Variants in SLC13A3 observed in about 807,000 individuals in gnomAD.
SLC13A3 encodes solute carrier family 13 member 3, also known as Na(+)/dicarboxylate cotransporter 3.
A neutral mutation model predicts 59.0 loss-of-function variants in SLC13A3; 40 were observed. That is an observed-to-expected ratio of 0.68 (90% CI 0.53 to 0.88). SLC13A3 has a LOEUF of 0.88. SLC13A3 is among the 40% of genes least tolerant of loss of function. SLC13A3 has a pLI of 0.00. For synonymous variants in SLC13A3, 317 were observed against 330.3 expected (o/e 0.96, Z 0.44); for missense variants, 699 against 783.2 (o/e 0.89, Z 1.28).
chr20:46,603,780 A>G (rs2062406482), intron 3 of SLC13A3, among the ~76,000 whole-genome samples: 1 of 151,992 alleles, frequency 6.6e-6, no homozygotes, highest in South Asian at 2.1e-4. Flanking sequence ...AACTATTCTT[A>G]GCTCCCAGGC....
At chr20:46,627,586 T>C (rs1463140399) in intron 1 of SLC13A3, among the ~76,000 whole-genome samples, 34 of 151,678 alleles carry the variant, frequency 2.2e-4, no homozygotes. Context: ...ATCTCAGTTT[T>C]AAAAGATTTG....
chr20:46,585,670 G>C, intron 8 of SLC13A3: 1 of 1,294,048 alleles, frequency 7.7e-7, no homozygotes, highest in Non-Finnish European at 1.0e-6. Context: ...ATGTATATCA[G>C]AATTAGAGAC....
At chr20:46,624,401 G>T (rs775840558) in intron 1 of SLC13A3, among the ~76,000 whole-genome samples, 1 of 152,198 alleles carries the variant, frequency 6.6e-6, no homozygotes. Context: ...CTATGCAGGA[G>T]GTTCCATGAT....
At position 46,583,571 on chromosome 20, in the gene SLC13A3, C is replaced by G; in HGVS notation, c.1219+1G>C. Reference sequence around the variant, plus strand: ...CGAGACCCCAGCCTTGACCACCTTACCTTTGAAGTCAAACCACCACTTGAG... The same window carrying G: ...CGAGACCCCAGCCTTGACCACCTTAGCTTTGAAGTCAAACCACCACTTGAG... On this transcript the variant is annotated splice_donor_variant, in intron 9 of 12. Coordinates refer to ENST00000279027, the MANE Select transcript of SLC13A3 (RefSeq NM_022829.6). LOFTEE classifies it high-confidence loss of function. The G allele has an allele frequency of 6.2e-7, 1 of 1,613,814 alleles. No homozygotes were observed. The highest frequency in any genetic ancestry group is 1.3e-5 in the African/African-American group (1 of 74,962).
At chr20:46,616,237 G>T (rs893395380) in intron 1 of SLC13A3, among the ~76,000 whole-genome samples, 1 of 152,104 alleles carries the variant, frequency 6.6e-6, no homozygotes, top group African/African-American at 2.4e-5. Context: ...CCAGCCCTTT[G>T]TTCAAGCAAA....
chr20:46,655,423 G>A (rs1334681127), upstream of SLC13A3, among the ~76,000 whole-genome samples: 2 of 149,146 alleles, frequency 1.3e-5, no homozygotes, highest in South Asian at 2.1e-4. Context: ...TTTACAGGAA[G>A]CATGGTGCTG....
upstream of SLC13A3, chr20:46,651,517 C>G: frequency 7.5e-7 from 1 of 1,335,248 alleles, no homozygotes; most frequent in African/African-American, 1.5e-5. Context: ...GAGGGGACTG[C>G]GCTGGGGAAC....
At position 46,681,165 on chromosome 20, in the gene SLC13A3, C is replaced by G. The variant is rs2063151905; in HGVS notation, c.-31+3231G>C. 2.6e-5 allele frequency among the ~76,000 whole-genome samples: 4 copies of G among 152,298 alleles called. No homozygotes were observed. The South Asian group carries it at 8.3e-4, about 32-fold the overall frequency. ...TTCTTCAGAAGAGCCAGACGCAGCCCATGTGCTCACTAAGTACCCAGTGAA... is the reference window on the plus strand; with the variant it reads ...TTCTTCAGAAGAGCCAGACGCAGCCGATGTGCTCACTAAGTACCCAGTGAA... On this transcript the variant is annotated intron_variant, in intron 1 of 6. Coordinates refer to the SLC13A3 transcript ENST00000372121.
At chr20:46,621,871 A>G (rs939533142) in intron 1 of SLC13A3, among the ~76,000 whole-genome samples, 1 of 152,250 alleles carries the variant, frequency 6.6e-6, no homozygotes, top group Non-Finnish European at 1.5e-5. Context: ...CATGTAGTAC[A>G]TATATTTATT....
intron 2 of SLC13A3, among the ~76,000 whole-genome samples, chr20:46,611,502 C>T (rs1246085250): frequency 1.3e-5 from 2 of 152,154 alleles, no homozygotes; most frequent in African/African-American, 4.8e-5. Flanking sequence ...ACTGGCAGCT[C>T]CTCCAGGAGG....
upstream of SLC13A3, among the ~76,000 whole-genome samples, chr20:46,655,119 T>C (rs1040946450): frequency 1.3e-5 from 2 of 152,080 alleles, no homozygotes; most frequent in African/African-American, 4.8e-5. Flanking sequence ...TTGTCTTATG[T>C]TTTGAGAAGT....
At chr20:46,653,047 A>G (rs750547136), upstream of SLC13A3, among the ~76,000 whole-genome samples, 2 of 152,060 alleles carry the variant, frequency 1.3e-5, no homozygotes, top group Admixed American at 6.6e-5. Context: ...CCATCTCTAT[A>G]TCCTCTTTGG....
chr20:46,584,857 AAT>A (rs1221776109), intron 8 of SLC13A3, among the ~76,000 whole-genome samples: 78 of 151,812 alleles, frequency 5.1e-4, no homozygotes, highest in African/African-American at 1.6e-3. Flanking sequence ...AGTAAAAAAA[AAT>A]TGGAAGATTT....
chr20:46,638,645 G>T (rs1295862210), intron 1 of SLC13A3, among the ~76,000 whole-genome samples: 1 of 152,220 alleles, frequency 6.6e-6, no homozygotes, highest in East Asian at 1.9e-4. Context: ...CCTCCAGGCT[G>T]TGTGCTCACA....
In SLC13A3 at chr20:46,650,867, C is replaced by T. The variant is rs186580472; in HGVS notation, c.111+444G>A. 1.4e-3 allele frequency among the ~76,000 whole-genome samples: 220 copies of T among 152,176 alleles called. 2 individuals carry two copies. Among genetic ancestry groups the T allele is most frequent in the African/African-American group, 5.0e-3 (207 of 41,504 alleles). On this transcript the variant is annotated intron_variant, in intron 1 of 12. Coordinates refer to ENST00000279027, the MANE Select transcript of SLC13A3 (RefSeq NM_022829.6). ...ATTGCTTGAGTCCAGGAGTTCCAGACCAGCCTGGACAACATAGTGAGACCC... is the reference window on the plus strand; with the variant it reads ...ATTGCTTGAGTCCAGGAGTTCCAGATCAGCCTGGACAACATAGTGAGACCC...
chr20:46,659,715 C>CG (rs1555884139), intron 1 of SLC13A3, among the ~76,000 whole-genome samples: 35 of 145,094 alleles, frequency 2.4e-4, no homozygotes, highest in African/African-American at 9.2e-4. Flanking sequence ...GACCCTATCC[C>CG]CCCCCCCCAA....
chr20:46,589,271 G>A lies in SLC13A3; in HGVS notation c.921-16C>T, dbSNP rs376265709. ...CCTCCAGCCCCTGAAACAGAAAGTG[G>A]GAGATTAGGAGTGGCCACTGCAGGT... On this transcript the variant is annotated splice_polypyrimidine_tract_variant and intron_variant, in intron 6 of 12. Transcript: ENST00000279027. 33 of 1,610,692 alleles carry A rather than the reference G, an allele frequency of 2.0e-5. No individual in the cohort carries two copies. The highest frequency in any genetic ancestry group is 2.7e-5 in the Non-Finnish European group (32 of 1,177,048).
chr20:46,665,909 T>C (rs780052115), intron 1 of SLC13A3, among the ~76,000 whole-genome samples: 4 of 152,212 alleles, frequency 2.6e-5, no homozygotes, highest in Non-Finnish European at 5.9e-5. Context: ...CTTGCTATTA[T>C]TTACCTTTTT....
intron 1 of SLC13A3, among the ~76,000 whole-genome samples, chr20:46,668,554 C>T (rs1042922083): frequency 6.6e-6 from 1 of 152,322 alleles, no homozygotes; most frequent in Middle Eastern, 3.4e-3. Context: ...AAGAAGCCAT[C>T]TGCATAACAT....
Sources: gnomAD v4.1 joint callset for allele counts (sites outside exome capture counted in the v4.1 genomes callset) on GRCh38, gnomAD v4.1.1 for gene constraint, MANE v1.5 for transcripts, NCBI Gene and HGNC (gene_info 2026-07-23, HGNC 2026-07-21) for gene names.